The following CNTNAP2 variants were observed in gnomAD, a reference collection of about 807,000 sequenced individuals.
CNTNAP2 encodes the protein contactin-associated protein-like 2.
A neutral mutation model predicts 155.2 loss-of-function variants in CNTNAP2; 98 were observed. The ratio of observed to expected loss-of-function variants is 0.63; its 90% CI spans 0.54 to 0.75. The LOEUF is 0.75. Ranked by LOEUF, CNTNAP2 falls within the 30% of genes least tolerant of loss-of-function variation. CNTNAP2 has a pLI of 0.00. For synonymous variants in CNTNAP2, 651 were observed against 631.2 expected (o/e 1.03, Z -0.47); for missense variants, 1,727 against 1,688.1 (o/e 1.02, Z -0.40).
chr7:148,333,049 A>C (rs757391839), intron 21 of CNTNAP2, among the ~76,000 whole-genome samples: 3 of 151,990 alleles, frequency 2.0e-5, no homozygotes, highest in Non-Finnish European at 4.4e-5. Context: ...CTCCCCTGCC[A>C]CTCTTAACAG....
At chr7:146,858,540 A>C (rs1795037022) in intron 3 of CNTNAP2, among the ~76,000 whole-genome samples, 1 of 152,176 alleles carries the variant, frequency 6.6e-6, no homozygotes, top group Non-Finnish European at 1.5e-5. Context: ...CAAATAATGC[A>C]AAAATTAGCC....
intron 1 of CNTNAP2, among the ~76,000 whole-genome samples, chr7:146,416,976 C>T (rs1162773186): frequency 6.6e-6 from 1 of 152,030 alleles, no homozygotes; most frequent in African/African-American, 2.4e-5. Context: ...CCTTCTATCG[C>T]CTGATTTTAG....
rs535118614 is a variant in CNTNAP2 at position 146,578,420 on chromosome 7, C to CT, written c.98-195850dup. On this transcript the variant is annotated intron_variant, in intron 1 of 23. Coordinates refer to ENST00000361727, the MANE Select transcript of CNTNAP2 (RefSeq NM_014141.6). ...CTTAGACACATGCATGTTGTTCATC[C>CT]TCAGCTCCAGAAAAACACAACCTTA... 1.3e-3 allele frequency among the ~76,000 whole-genome samples: 193 copies of CT among 152,214 alleles called. 1 individual carries two copies. Among genetic ancestry groups the CT allele is most frequent in the African/African-American group, 4.4e-3 (182 of 41,568 alleles).
intron 2 of CNTNAP2, among the ~76,000 whole-genome samples, chr7:146,781,754 C>T (rs1802495111): frequency 6.6e-6 from 1 of 152,056 alleles, no homozygotes; most frequent in Non-Finnish European, 1.5e-5. Context: ...TTATAAAACA[C>T]CTTCTTTCCC....
At chr7:147,304,312 C>G (rs1304227144) in intron 9 of CNTNAP2, among the ~76,000 whole-genome samples, 1 of 151,976 alleles carries the variant, frequency 6.6e-6, no homozygotes, top group Admixed American at 6.6e-5. Context: ...TTATTTTCCT[C>G]CAACTAGAAT....
intron 10 of CNTNAP2, among the ~76,000 whole-genome samples, chr7:147,460,605 A>C (rs955272976): frequency 3.3e-5 from 5 of 151,796 alleles, no homozygotes; most frequent in African/African-American, 1.2e-4. Context: ...CTTTGAATGC[A>C]CCTAGGTCAG....
At chr7:147,317,812 A>ATG (rs377553746) in intron 9 of CNTNAP2, among the ~76,000 whole-genome samples, 26,069 of 147,798 alleles carry the variant, frequency 0.18, 3,544 homozygotes, top group East Asian at 0.69. Context: ...ATGTATATAT[A>ATG]TGTGTGTGTG....
intron 1 of CNTNAP2, among the ~76,000 whole-genome samples, chr7:146,181,653 A>G (rs13221011): frequency 0.22 from 32,903 of 152,022 alleles, 3,728 homozygotes; most frequent in Middle Eastern, 0.33. Flanking sequence ...CAAAATAAGT[A>G]TTATATGGAA....
At position 146,673,271 on chromosome 7, in the gene CNTNAP2, C is replaced by T. The variant is rs577002556; in HGVS notation, c.98-101000C>T. On this transcript the variant is annotated intron_variant, in intron 1 of 23. Transcript: ENST00000361727. ...AAGCAATCCATTCTGTTTTCAAAAT[C>T]ACTTGTGTGTAAATTTTTCTCATTA... Among the ~76,000 whole-genome samples, 6 of 152,234 alleles carry T rather than the reference C, an allele frequency of 3.9e-5. No homozygotes were observed. In the South Asian group the frequency reaches 1.2e-3, roughly 32 times the overall value.
At chr7:148,053,966 C>T (rs550220750) in intron 15 of CNTNAP2, among the ~76,000 whole-genome samples, 1 of 147,436 alleles carries the variant, frequency 6.8e-6, no homozygotes, top group African/African-American at 2.5e-5. Context: ...TCTCTAATTC[C>T]ACTTCTTTTT....
intron 3 of CNTNAP2, among the ~76,000 whole-genome samples, chr7:146,918,663 G>A (rs1796441693): frequency 6.6e-6 from 1 of 152,172 alleles, no homozygotes; most frequent in Non-Finnish European, 1.5e-5. Context: ...TGCCTAGGCA[G>A]TGATCCTTTT....
intron 1 of CNTNAP2, among the ~76,000 whole-genome samples, chr7:146,218,083 C>T (rs1042274020): frequency 6.6e-6 from 1 of 152,210 alleles, no homozygotes; most frequent in Admixed American, 6.5e-5. Context: ...CCTCCCACCT[C>T]TGTTTTTAGT....
intron 3 of CNTNAP2, among the ~76,000 whole-genome samples, chr7:146,884,504 G>A (rs1336860148): frequency 1.3e-5 from 2 of 152,066 alleles, no homozygotes; most frequent in Non-Finnish European, 2.9e-5. Context: ...TGAGTGAGAT[G>A]TTTCCTACTC....
chr7:147,732,890 T>C (rs1300257784), intron 13 of CNTNAP2, among the ~76,000 whole-genome samples: 1 of 152,194 alleles, frequency 6.6e-6, no homozygotes, highest in Non-Finnish European at 1.5e-5. Context: ...TGTTTGTTGT[T>C]TTCTTGTAAA....
chr7:148,288,706 C>T (rs1197870257), intron 21 of CNTNAP2, among the ~76,000 whole-genome samples: 2 of 151,844 alleles, frequency 1.3e-5, no homozygotes, highest in Non-Finnish European at 2.9e-5. Context: ...ATCATTCCCC[C>T]TGCTTCCTTT....
intron 2 of CNTNAP2, among the ~76,000 whole-genome samples, chr7:146,837,035 A>G (rs1803631512): frequency 6.6e-6 from 1 of 152,164 alleles, no homozygotes; most frequent in Non-Finnish European, 1.5e-5. Flanking sequence ...GCAAATAATT[A>G]TAATGTGCCT....
At chr7:147,956,708 C>T (rs1801021650) in intron 14 of CNTNAP2, among the ~76,000 whole-genome samples, 1 of 152,142 alleles carries the variant, frequency 6.6e-6, no homozygotes, top group Admixed American at 6.6e-5. Flanking sequence ...TCAGGAAAAG[C>T]TGAATATACA....
At chr7:147,219,172 C>T (rs1020264663) in intron 8 of CNTNAP2, among the ~76,000 whole-genome samples, 1 of 152,124 alleles carries the variant, frequency 6.6e-6, no homozygotes, top group Non-Finnish European at 1.5e-5. Context: ...AATGAACTCA[C>T]TCCCTGTATT....
intron 13 of CNTNAP2, among the ~76,000 whole-genome samples, chr7:147,884,099 G>A (rs116996718): frequency 0.051 from 7,810 of 152,232 alleles, 254 homozygotes; most frequent in South Asian, 0.13. Flanking sequence ...AGGATGAAAG[G>A]TCCTTGAGGA....
Sources: gnomAD v4.1 joint callset for allele counts (sites outside exome capture counted in the v4.1 genomes callset) on GRCh38, gnomAD v4.1.1 for gene constraint, MANE v1.5 for transcripts, NCBI Gene and HGNC (gene_info 2026-07-23, HGNC 2026-07-21) for gene names.